The following ERC2 variants were observed in gnomAD, a reference collection of about 807,000 sequenced individuals.
ERC2 encodes the protein ERC protein 2.
A neutral mutation model predicts 114.8 loss-of-function variants in ERC2; 42 were observed. That is an observed-to-expected ratio of 0.37 (90% CI 0.29 to 0.47). The LOEUF is 0.47. Among genes scored for constraint, ERC2 ranks in the 20% least tolerant of loss-of-function variants. ERC2 has a pLI of 0.99. For synonymous variants in ERC2, 454 were observed against 425.5 expected, an observed-to-expected ratio of 1.07 and a Z score of -0.82; for missense variants, 939 against 1,150.7, an observed-to-expected ratio of 0.82 and a Z score of 2.66.
intron 14 of ERC2, among the ~76,000 whole-genome samples, chr3:55,788,725 C>T (rs190390264): frequency 6.6e-5 from 10 of 152,200 alleles, no homozygotes; most frequent in Non-Finnish European, 1.3e-4. Context: ...TGATGGCCAT[C>T]GAAGGTCAGC....
intron 1 of ERC2, among the ~76,000 whole-genome samples, chr3:56,457,725 G>A (rs978023715): frequency 4.6e-5 from 7 of 151,972 alleles, no homozygotes; most frequent in Admixed American, 3.9e-4. Context: ...ATTTACCTCC[G>A]TGAACCCTGA....
chr3:56,201,319 C>T (rs1272065840), intron 3 of ERC2, among the ~76,000 whole-genome samples: 1 of 152,200 alleles, frequency 6.6e-6, no homozygotes, highest in African/African-American at 2.4e-5. Context: ...ACGTTAATTA[C>T]TTGAATTATG....
intron 2 of ERC2, among the ~76,000 whole-genome samples, chr3:56,307,828 G>GCATACA (rs1404274371): frequency 1.6e-4 from 24 of 147,656 alleles, no homozygotes; most frequent in African/African-American, 4.5e-4. Flanking sequence ...ACACACACTT[G>GCATACA]CACACACACA....
intron 2 of ERC2, among the ~76,000 whole-genome samples, chr3:56,337,115 T>C (rs553817588): frequency 1.4e-4 from 22 of 152,310 alleles, no homozygotes; most frequent in African/African-American, 5.3e-4. Context: ...CAGCTAAGTC[T>C]GGGCCCTAGT....
intron 2 of ERC2, among the ~76,000 whole-genome samples, chr3:56,330,356 T>G (rs533907031): frequency 6.6e-6 from 1 of 152,300 alleles, no homozygotes; most frequent in African/African-American, 2.4e-5. Flanking sequence ...TATTAATATT[T>G]TCTCATTTCA....
At chr3:55,866,189 T>G (rs1036770125) in intron 14 of ERC2, among the ~76,000 whole-genome samples, 15 of 152,196 alleles carry the variant, frequency 9.9e-5, no homozygotes, top group African/African-American at 3.4e-4. Context: ...TTTTGATTTA[T>G]ATTTCCCTAA....
intron 17 of ERC2, among the ~76,000 whole-genome samples, chr3:55,560,301 A>G (rs1289189503): frequency 6.6e-6 from 1 of 152,210 alleles, no homozygotes; most frequent in East Asian, 1.9e-4. Context: ...TGCCCCTAGT[A>G]TAAGGCTATT....
intron 7 of ERC2, 64 bp downstream of exon 7, chr3:56,080,753 A>C: frequency 6.5e-7 from 1 of 1,540,638 alleles, no homozygotes; most frequent in Non-Finnish European, 8.8e-7. Context: ...ATGTGCTCAA[A>C]ATTTTTCTAA....
chr3:55,873,461 A>G (rs897965), intron 14 of ERC2, among the ~76,000 whole-genome samples: 22,942 of 152,216 alleles, frequency 0.15, 2,485 homozygotes, highest in African/African-American at 0.31. Context: ...GATTAAATGA[A>G]TTGATATATA....
intron 3 of ERC2, among the ~76,000 whole-genome samples, chr3:56,225,314 A>G (rs1447080427): frequency 1.3e-5 from 2 of 152,192 alleles, no homozygotes; most frequent in Non-Finnish European, 2.9e-5. Flanking sequence ...GGCCATGATA[A>G]TCCACAATTG....
At chr3:55,971,305 T>C (rs2069137365) in intron 12 of ERC2, among the ~76,000 whole-genome samples, 3 of 152,138 alleles carry the variant, frequency 2.0e-5, no homozygotes, top group African/African-American at 7.2e-5. Context: ...CAACAATCAC[T>C]TAATTATACA....
intron 3 of ERC2, among the ~76,000 whole-genome samples, chr3:56,257,624 A>G (rs1371266266): frequency 6.6e-6 from 1 of 152,248 alleles, no homozygotes; most frequent in Non-Finnish European, 1.5e-5. Context: ...CACAATTAGG[A>G]CAAATATAGA....
rs150084956 is a variant in ERC2 at position 56,233,849 on chromosome 3, C to T, written c.1075-60329G>A. 1.9e-3 allele frequency among the ~76,000 whole-genome samples: 296 copies of T among 152,288 alleles called. 1 individual carries two copies. The highest frequency in any genetic ancestry group is 6.9e-3 in the African/African-American group (287 of 41,566). On this transcript the variant is annotated intron_variant, in intron 3 of 17. Coordinates refer to ENST00000288221, the MANE Select transcript of ERC2 (RefSeq NM_015576.3). The stretch of plus-strand genomic sequence containing the variant: ...GCAATCACATCAATCTGACCTCTGT[C>T]TCTACCATCACATCTCCTTCTCTGA...
chr3:56,178,109 C>T (rs938185898), intron 3 of ERC2, among the ~76,000 whole-genome samples: 4 of 152,154 alleles, frequency 2.6e-5, no homozygotes, highest in African/African-American at 9.7e-5. Flanking sequence ...TCAAGTGGTT[C>T]ATCAGAATGA....
At chr3:56,019,716 G>A (rs576649420) in intron 7 of ERC2, among the ~76,000 whole-genome samples, 43 of 152,206 alleles carry the variant, frequency 2.8e-4, no homozygotes, top group African/African-American at 1.0e-3. Flanking sequence ...AAATAAACAC[G>A]CCAAATAGCC....
intron 3 of ERC2, among the ~76,000 whole-genome samples, chr3:56,216,358 C>T (rs1243240759): frequency 6.6e-6 from 1 of 152,164 alleles, no homozygotes; most frequent in African/African-American, 2.4e-5. Flanking sequence ...GAGAATACTA[C>T]AAACACCTCT....
intron 13 of ERC2, among the ~76,000 whole-genome samples, chr3:55,919,842 A>ACTTGC (rs1413098717): frequency 2.0e-5 from 3 of 152,186 alleles, no homozygotes; most frequent in Non-Finnish European, 4.4e-5. Flanking sequence ...AGGGAATTGC[A>ACTTGC]AGTGCAAAAG....
intron 7 of ERC2, among the ~76,000 whole-genome samples, chr3:56,032,710 C>T (rs2074441879): frequency 6.6e-6 from 1 of 151,678 alleles, no homozygotes; most frequent in South Asian, 2.1e-4. Context: ...CCTTGGAACC[C>T]CAACCAGGCA....
intron 14 of ERC2, among the ~76,000 whole-genome samples, chr3:55,869,537 C>T (rs115524586): frequency 5.8e-4 from 89 of 152,232 alleles, no homozygotes; most frequent in Middle Eastern, 3.4e-3. Flanking sequence ...CTTTACCTCC[C>T]CAAATTCTTC....
Sources: allele counts gnomAD v4.1 joint callset (sites outside exome capture counted in the v4.1 genomes callset), GRCh38; gene constraint gnomAD v4.1.1; transcripts MANE v1.5; gene names NCBI Gene and HGNC (gene_info 2026-07-23, HGNC 2026-07-21).